The following POLH variants were observed in gnomAD, a reference collection of about 807,000 sequenced individuals.
POLH encodes DNA polymerase eta.
In POLH, 53 loss-of-function variants were observed where a neutral mutation model predicts 73.6. That is an observed-to-expected ratio of 0.72 (90% CI 0.58 to 0.91). POLH has a LOEUF of 0.91. POLH is among the 40% of genes least tolerant of loss of function. POLH has a pLI of 0.00. For synonymous variants in POLH, 292 were observed against 308.5 expected (o/e 0.95, Z 0.56); for missense variants, 768 against 865.4 (o/e 0.89, Z 1.41).
At chr6:43,591,846 C>G (rs1281421261) in intron 4 of POLH, among the ~76,000 whole-genome samples, 2 of 152,142 alleles carry the variant, frequency 1.3e-5, no homozygotes, top group Non-Finnish European at 2.9e-5. Flanking sequence ...TAGAACTAGT[C>G]TTACACATTA....
At position 43,620,375 on chromosome 6, in the gene POLH, C is replaced by G. The variant is rs1768634920; in HGVS notation, c.*5818C>G. 2.0e-6 allele frequency: 1 copy of G among 499,510 alleles called. No homozygotes were observed. The highest frequency in any genetic ancestry group is 3.9e-6 in the Non-Finnish European group (1 of 253,468). The allele number at this position is 499,510 out of a possible 1,614,324, so 30.9% of individuals were successfully genotyped here. On this transcript the variant is annotated 3_prime_UTR_variant, in exon 11 of 11. Transcript: ENST00000372236. ...AAAACAATGGTGAACGAGATACCAG[C>G]TGGGCTCTTTCCACATTCAGGGCTC...
intron 4 of POLH, among the ~76,000 whole-genome samples, chr6:43,588,984 C>T (rs1441558171): frequency 2.6e-5 from 4 of 152,100 alleles, no homozygotes; most frequent in South Asian, 2.1e-4. Context: ...ATTACGGGCG[C>T]CCGCCACCGC....
rs1288661140 is a variant in POLH, at chr6:43,618,133, C to G, written c.*3576C>G. ...AAAATTTGTTATGTAGCTTTTTGCA[C>G]TTGTCCATGTTTATACTACTGTATT... is the stretch of plus-strand genomic sequence containing the variant. On this transcript the variant is annotated 3_prime_UTR_variant, in exon 11 of 11. Transcript: ENST00000372236. 6.6e-6 allele frequency among the ~76,000 whole-genome samples: 1 copy of G among 152,066 alleles called. No individual in the cohort carries two copies. The highest frequency in any genetic ancestry group is 1.5e-5 in the Non-Finnish European group (1 of 68,018).
intron 4 of POLH, among the ~76,000 whole-genome samples, chr6:43,590,333 C>T (rs887032036): frequency 1.3e-5 from 2 of 148,682 alleles, no homozygotes; most frequent in South Asian, 4.2e-4. Context: ...ACTCCAGCCT[C>T]GGCAACAGAG....
chr6:43,591,024 A>G (rs1213910599), intron 4 of POLH: 2 of 151,902 alleles, frequency 1.3e-5, no homozygotes, highest in Non-Finnish European at 2.9e-5. Context: ...TGTGCAGAAG[A>G]GTAGTAGTAA....
At chr6:43,598,674 A>G (rs917769357) in intron 5 of POLH, among the ~76,000 whole-genome samples, 10 of 152,032 alleles carry the variant, frequency 6.6e-5, no homozygotes, top group Admixed American at 3.9e-4. Context: ...ACCATACACT[A>G]TAAGAACAAT....
At position 43,610,569 on chromosome 6, in the gene POLH, A is replaced by AC; in HGVS notation, c.1093dup (p.Gln365ProfsTer27). 6.2e-7 allele frequency: 1 copy of AC among 1,613,736 alleles called. No individual in the cohort carries two copies. Among genetic ancestry groups the AC allele is most frequent in the Non-Finnish European group, 8.5e-7 (1 of 1,179,792 alleles). The stretch of plus-strand genomic sequence containing the variant: ...CCACCCACAGAATGACAGGGTAGCC[A>AC]CCCAGCTGGTTGTGAGCATTCGTGT... On this transcript the variant is annotated frameshift_variant, in exon 10 of 11. Coordinates refer to ENST00000372236, the MANE Select transcript of POLH (RefSeq NM_006502.3). LOFTEE classifies it high-confidence loss of function.
At chr6:43,585,359 A>T (rs1764681015) in intron 3 of POLH, among the ~76,000 whole-genome samples, 1 of 152,112 alleles carries the variant, frequency 6.6e-6, no homozygotes, top group Non-Finnish European at 1.5e-5. Flanking sequence ...ATGGGTAATC[A>T]ACTTGACCTG....
chr6:43,593,896 AAAAG>A lies in POLH; in HGVS notation c.491-3788_491-3785del, dbSNP rs1554139791. Among the ~76,000 whole-genome samples, 832 of 145,972 alleles carry A rather than the reference AAAAG, an allele frequency of 5.7e-3. 3 individuals are homozygous for A. The highest frequency in any genetic ancestry group is 9.4e-3 in the Non-Finnish European group (631 of 67,008). ...TCCGTCTCAAAAAAAAAAAAAAAAA[AAAAG>A]AAAGAAAGAAAAGTTTTTTCTCAGC... On this transcript the variant is annotated intron_variant, in intron 4 of 10. Transcript: ENST00000372236.
chr6:43,608,736 A>G (rs967282101), intron 9 of POLH, among the ~76,000 whole-genome samples: 1 of 152,198 alleles, frequency 6.6e-6, no homozygotes, highest in Non-Finnish European at 1.5e-5. Context: ...CTGAAAATCT[A>G]TCTTTTAAGC....
At position 43,617,350 on chromosome 6, in the gene POLH, G is replaced by C. The variant is rs980123242; in HGVS notation, c.*2793G>C. On this transcript the variant is annotated 3_prime_UTR_variant, in exon 11 of 11. Transcript: ENST00000372236. ...TAACAAGATTTCCCAATGTGGGTCA[G>C]GTGTGGTGGCTCATGCCTGTAATCC... is the stretch of plus-strand genomic sequence containing the variant. Among the ~76,000 whole-genome samples, 6 of 152,298 alleles carry C rather than the reference G, an allele frequency of 3.9e-5. No individual in the cohort carries two copies. In the South Asian group the frequency reaches 1.2e-3, roughly 32 times the overall value.
chr6:43,614,475 G>A lies in POLH; in HGVS notation c.2060G>A (p.Ser687Asn), dbSNP rs565348391. ...VSHQGKRNPKSPLACTNKRPR... is the reference protein window; with the variant it reads ...VSHQGKRNPKNPLACTNKRPR... The stretch of plus-strand genomic sequence containing the variant: ...CATCAAGGCAAAAGAAATCCCAAGA[G>A]CCCTTTGGCCTGCACTAATAAACGC... Residue 687 changes from serine to asparagine, a missense_variant, in exon 11 of 11, where the codon AGC (serine) becomes AAC (asparagine). Transcript: ENST00000372236. The A allele has an allele frequency of 1.2e-6, 2 of 1,613,998 alleles. No homozygotes were observed. The highest frequency in any genetic ancestry group is 1.7e-5 in the Admixed American group (1 of 60,002).
intron 3 of POLH, among the ~76,000 whole-genome samples, chr6:43,587,035 GTAGTTCT>G (rs1287297866): frequency 6.6e-6 from 1 of 152,036 alleles, no homozygotes; most frequent in Non-Finnish European, 1.5e-5. Flanking sequence ...TTCTGCCTTG[GTAGTTCT>G]GGCATTGTGC....
chr6:43,581,871 A>AG (rs1402254034), intron 1 of POLH, among the ~76,000 whole-genome samples: 1 of 147,350 alleles, frequency 6.8e-6, no homozygotes, highest in African/African-American at 2.5e-5. Context: ...GGCGCCTTCG[A>AG]GCCTTCTAGG....
intron 1 of POLH, among the ~76,000 whole-genome samples, chr6:43,576,772 T>C (rs1561892425): frequency 6.6e-6 from 1 of 152,242 alleles, no homozygotes; most frequent in Non-Finnish European, 1.5e-5. Context: ...TTTTGATAAT[T>C]GGCCAAGTGC....
At position 43,597,715 on chromosome 6, in the gene POLH, C is replaced by G; in HGVS notation, c.510C>G (p.Gly170=). 1 of 1,613,954 alleles carries G rather than the reference C, an allele frequency of 6.2e-7. No individual in the cohort carries two copies. Residue 170 remains glycine, a synonymous_variant, in exon 5 of 11, where the codon GGC becomes GGG. Transcript: ENST00000372236. ...TVQKEGMRKQ[G]LFQWLDSLQI... ...TTTCAGAGGGGATGCGAAAACAAGGCTTATTTCAATGGCTCGATTCTCTTC... is the reference window on the plus strand; with the variant it reads ...TTTCAGAGGGGATGCGAAAACAAGGGTTATTTCAATGGCTCGATTCTCTTC...
chr6:43,592,892 T>A (rs1216570377), intron 4 of POLH, among the ~76,000 whole-genome samples: 3 of 152,326 alleles, frequency 2.0e-5, no homozygotes, highest in Non-Finnish European at 4.4e-5. Flanking sequence ...TTTATTATTT[T>A]AAAACACAGA....
Position 43,620,288 on chromosome 6 carries a change from C to T in POLH, c.*5731C>T, listed in dbSNP as rs187080217. The T allele has an allele frequency of 9.7e-5, 50 of 517,122 alleles. No individual in the cohort carries two copies. The East Asian group carries it at 1.3e-3, about 13-fold the overall frequency. The allele number at this position is 517,122 out of a possible 1,614,324, so 32.0% of individuals were successfully genotyped here. ...CTCAGTATTCTGCTCACTTGAACTA[C>T]GGAAAATAGGCCACAATACTTGGTT... On this transcript the variant is annotated 3_prime_UTR_variant, in exon 11 of 11. Transcript: ENST00000372236.
chr6:43,590,209 A>AG, intron 4 of POLH, among the ~76,000 whole-genome samples: 1 of 152,126 alleles, frequency 6.6e-6, no homozygotes. Flanking sequence ...ATACAAAAAA[A>AG]CTAGCTGGGC....
Sources: gnomAD v4.1 joint callset for allele counts (sites outside exome capture counted in the v4.1 genomes callset) on GRCh38, gnomAD v4.1.1 for gene constraint, MANE v1.5 for transcripts, NCBI Gene and HGNC (gene_info 2026-07-23, HGNC 2026-07-21) for gene names.